Variants in PLSCR4 observed in about 807,000 individuals in gnomAD.
PLSCR4 encodes the protein phospholipid scramblase 4.
In PLSCR4, 25 loss-of-function variants were observed where a neutral mutation model predicts 36.3. The observed-to-expected ratio is 0.69, with a 90% CI of 0.50 to 0.96. The LOEUF (loss-of-function observed/expected upper bound fraction) is 0.96. Ranked by LOEUF, PLSCR4 falls within the 40% of genes least tolerant of loss-of-function variation. The pLI, the probability that PLSCR4 is intolerant of heterozygous loss-of-function variation, is 0.00. For missense variants in PLSCR4, 408 were observed against 414.7 expected (o/e 0.98, Z 0.14); for synonymous variants, 122 against 132.9 (o/e 0.92, Z 0.56).
At chr3:146,202,753 T>G in intron 4 of PLSCR4, among the ~76,000 whole-genome samples, 1 of 152,180 alleles carries the variant, frequency 6.6e-6, no homozygotes, top group East Asian at 1.9e-4. Flanking sequence ...TGCCACTGCT[T>G]TATCAATTAT....
chr3:146,207,303 A>G (rs766989604), intron 3 of PLSCR4, among the ~76,000 whole-genome samples: 2 of 152,134 alleles, frequency 1.3e-5, no homozygotes, highest in Non-Finnish European at 2.9e-5. Context: ...TCGAGTTCTC[A>G]GACTGGTCCC....
intron 1 of PLSCR4, among the ~76,000 whole-genome samples, chr3:146,224,516 C>T (rs2035347180): frequency 1.3e-5 from 2 of 151,226 alleles, no homozygotes; most frequent in South Asian, 2.1e-4. Flanking sequence ...TTCGGAGTTT[C>T]TTCCTTCTGG....
intron 4 of PLSCR4, among the ~76,000 whole-genome samples, chr3:146,206,291 G>T (rs890372701): frequency 6.6e-6 from 1 of 151,878 alleles, no homozygotes; most frequent in African/African-American, 2.4e-5. Context: ...TGAATGCCTT[G>T]AAGTTCAACA....
intron 1 of PLSCR4, among the ~76,000 whole-genome samples, chr3:146,224,117 T>C (rs2035320467): frequency 6.6e-6 from 1 of 152,024 alleles, no homozygotes; most frequent in African/African-American, 2.4e-5. Context: ...TAGACACTCC[T>C]AGTTATGTAC....
chr3:146,192,391 T>C lies in PLSCR4; in HGVS notation c.*2020A>G, dbSNP rs1312437869. On this transcript the variant is annotated 3_prime_UTR_variant, in exon 9 of 9. Coordinates refer to ENST00000354952, the MANE Select transcript of PLSCR4 (RefSeq NM_020353.3). The stretch of plus-strand genomic sequence containing the variant: ...AAGCCATAAAGAATACGAAAAAGCA[T>C]GAACGCACAAATTCCAGAGAATTTG... 1.3e-5 allele frequency: 2 copies of C among 150,642 alleles called. No homozygotes were observed. Among genetic ancestry groups the C allele is most frequent in the Admixed American group, 6.6e-5 (1 of 15,062 alleles). 9.3% of individuals were successfully genotyped at this position (150,642 alleles called of 1,614,324 possible). A position where few individuals can be genotyped will look rare whatever the true frequency, so the allele number is the denominator to read the frequency against.
chr3:146,209,990 G>T (rs1314359353), intron 3 of PLSCR4, among the ~76,000 whole-genome samples: 1 of 152,034 alleles, frequency 6.6e-6, no homozygotes, highest in East Asian at 1.9e-4. Flanking sequence ...TATTCATAAA[G>T]GATTGGTTCC....
chr3:146,250,310 G>A (rs1173999792), intron 1 of PLSCR4, among the ~76,000 whole-genome samples: 1 of 152,076 alleles, frequency 6.6e-6, no homozygotes, highest in Non-Finnish European at 1.5e-5. Flanking sequence ...ATCTTCACAA[G>A]TACTTATTTT....
At position 146,220,797 on chromosome 3, in the gene PLSCR4, T is replaced by C; in HGVS notation, c.118+18A>G. 1.4e-6 allele frequency: 2 copies of C among 1,431,748 alleles called. No individual in the cohort carries two copies. The highest frequency in any genetic ancestry group is 2.0e-6 in the Non-Finnish European group (2 of 1,016,368). 88.7% of individuals were successfully genotyped at this position (1,431,748 alleles called of 1,614,324 possible). ...GTTTTTAGCAAAGGAGAATATCTTT[T>C]ATGAATATTTAACCCACCTGGTAAA... On this transcript the variant is annotated intron_variant, in intron 3 of 8. Transcript: ENST00000354952.
chr3:146,226,629 G>A (rs575576011), intron 1 of PLSCR4, among the ~76,000 whole-genome samples: 10 of 152,204 alleles, frequency 6.6e-5, no homozygotes, highest in African/African-American at 2.2e-4. Context: ...CAAACCTGAA[G>A]TAGCACCTCT....
chr3:146,195,524 G>C (rs966723617), intron 7 of PLSCR4, among the ~76,000 whole-genome samples: 3 of 152,128 alleles, frequency 2.0e-5, no homozygotes, highest in Non-Finnish European at 4.4e-5. Flanking sequence ...GAGTTATTAA[G>C]GGACCTTTTA....
At chr3:146,224,702 G>A (rs1171875263) in intron 1 of PLSCR4, among the ~76,000 whole-genome samples, 3 of 152,020 alleles carry the variant, frequency 2.0e-5, no homozygotes, top group African/African-American at 7.3e-5. Flanking sequence ...GCCAATGCTG[G>A]CTCGGGCAGC....
intron 1 of PLSCR4, among the ~76,000 whole-genome samples, chr3:146,229,162 C>T (rs2035597280): frequency 6.6e-6 from 1 of 152,170 alleles, no homozygotes. Flanking sequence ...AATTTCTAAA[C>T]TCTTGGAATT....
chr3:146,192,382 G>A lies in PLSCR4; in HGVS notation c.*2029C>T, dbSNP rs1023100045. 1.3e-5 allele frequency: 2 copies of A among 150,332 alleles called. No individual in the cohort carries two copies. The highest frequency in any genetic ancestry group is 2.1e-4 in the South Asian group (1 of 4,804). The allele number at this position is 150,332 out of a possible 1,614,324, so 9.3% of individuals were successfully genotyped here. On this transcript the variant is annotated 3_prime_UTR_variant, in exon 9 of 9. Coordinates refer to ENST00000354952, the MANE Select transcript of PLSCR4 (RefSeq NM_020353.3). ...TTTATTTAAAAGCCATAAAGAATACGAAAAAGCATGAACGCACAAATTCCA... is the reference window on the plus strand; with the variant it reads ...TTTATTTAAAAGCCATAAAGAATACAAAAAAGCATGAACGCACAAATTCCA...
chr3:146,223,039 G>A (rs1486955486), intron 1 of PLSCR4, among the ~76,000 whole-genome samples: 1 of 152,122 alleles, frequency 6.6e-6, no homozygotes, highest in East Asian at 1.9e-4. Flanking sequence ...AACTAGAGAG[G>A]AGGATAGTGG....
chr3:146,209,811 CA>C (rs1202002865), intron 3 of PLSCR4, among the ~76,000 whole-genome samples: 2 of 152,062 alleles, frequency 1.3e-5, no homozygotes, highest in African/African-American at 2.4e-5. Flanking sequence ...GAGCCACAAG[CA>C]GCCCACAAGT....
intron 1 of PLSCR4, 190 bp downstream of exon 1, chr3:146,250,770 T>A (rs2036514900): frequency 6.6e-6 from 1 of 151,982 alleles, no homozygotes; most frequent in Non-Finnish European, 1.5e-5. Flanking sequence ...CCACGGAACT[T>A]CTGCAACCAC....
intron 1 of PLSCR4, among the ~76,000 whole-genome samples, chr3:146,224,585 C>G (rs1309842232): frequency 6.6e-6 from 1 of 152,016 alleles, no homozygotes; most frequent in African/African-American, 2.4e-5. Context: ...GTGAGTGTTA[C>G]AGCTCATAAA....
At chr3:146,242,797 G>A (rs1478839487) in intron 1 of PLSCR4, among the ~76,000 whole-genome samples, 1 of 152,146 alleles carries the variant, frequency 6.6e-6, no homozygotes, top group African/African-American at 2.4e-5. Context: ...AAGGCAAACA[G>A]GTTTATGTCT....
At chr3:146,229,726 G>A (rs574487520) in intron 1 of PLSCR4, among the ~76,000 whole-genome samples, 10 of 151,766 alleles carry the variant, frequency 6.6e-5, no homozygotes, top group Middle Eastern at 3.4e-3. Context: ...CCGGGTCCAC[G>A]CCATTCTCCT....
Sources: gnomAD v4.1 joint callset for allele counts (sites outside exome capture counted in the v4.1 genomes callset) on GRCh38, gnomAD v4.1.1 for gene constraint, MANE v1.5 for transcripts, NCBI Gene and HGNC (gene_info 2026-07-23, HGNC 2026-07-21) for gene names.